The following NDC1 variants were observed in gnomAD, a reference collection of about 807,000 sequenced individuals.
NDC1 encodes the protein nucleoporin NDC1.
In NDC1, 24 loss-of-function variants were observed where a neutral mutation model predicts 89.8. That is an observed-to-expected ratio of 0.27 (90% CI 0.19 to 0.38). The LOEUF (loss-of-function observed/expected upper bound fraction) is 0.38, where lower values mean the gene tolerates loss of function less well. NDC1 is among the 10% of genes least tolerant of loss of function. The pLI is 1.00. For synonymous variants in NDC1, 296 were observed against 284.8 expected (o/e 1.04, Z -0.39); for missense variants, 728 against 797.6 (o/e 0.91, Z 1.05).
At chr1:53,825,726 T>C in intron 5 of NDC1, 72 bp downstream of exon 5, 2 of 1,243,964 alleles carry the variant, frequency 1.6e-6, no homozygotes, top group Non-Finnish European at 2.2e-6. Context: ...TAAATCCAGT[T>C]ATATACATAT....
intron 16 of NDC1, among the ~76,000 whole-genome samples, chr1:53,774,521 T>C (rs533547834): frequency 6.6e-6 from 1 of 152,338 alleles, no homozygotes; most frequent in Non-Finnish European, 1.5e-5. Context: ...GAATACTTTA[T>C]ATTTTTTGTA....
chr1:53,804,870 T>C (rs1344395472), intron 9 of NDC1, among the ~76,000 whole-genome samples: 1 of 152,072 alleles, frequency 6.6e-6, no homozygotes, highest in East Asian at 1.9e-4. Flanking sequence ...TCTCTGAAGT[T>C]TTCTTGCATT....
intron 4 of NDC1, among the ~76,000 whole-genome samples, chr1:53,827,210 A>G (rs1441776155): frequency 1.3e-5 from 2 of 151,714 alleles, no homozygotes; most frequent in Non-Finnish European, 2.9e-5. Context: ...ATAATGTAAC[A>G]CTGTTTTAAA....
intron 14 of NDC1, among the ~76,000 whole-genome samples, chr1:53,791,824 T>A (rs916324701): frequency 6.6e-6 from 1 of 152,174 alleles, no homozygotes; most frequent in Non-Finnish European, 1.5e-5. Flanking sequence ...TTTCCTTATC[T>A]GTAAAATGAG....
intron 1 of NDC1, among the ~76,000 whole-genome samples, chr1:53,836,871 C>A (rs187157546): frequency 7.6e-4 from 115 of 152,294 alleles, no homozygotes; most frequent in Non-Finnish European, 1.4e-3. Context: ...TAGGAGTAAA[C>A]CTTCATGATC....
chr1:53,808,705 A>T (rs1311483117), intron 7 of NDC1, among the ~76,000 whole-genome samples: 1 of 152,234 alleles, frequency 6.6e-6, no homozygotes, highest in South Asian at 2.1e-4. Flanking sequence ...TTTCTATCAA[A>T]TGCCATTATT....
intron 6 of NDC1, among the ~76,000 whole-genome samples, chr1:53,811,099 G>A (rs1648291560): frequency 6.6e-6 from 1 of 152,216 alleles, no homozygotes; most frequent in Admixed American, 6.5e-5. Context: ...CAGGGGTAGA[G>A]GAAGCAGCAG....
intron 16 of NDC1, among the ~76,000 whole-genome samples, chr1:53,775,573 T>C (rs1262063326): frequency 6.6e-6 from 1 of 152,178 alleles, no homozygotes; most frequent in East Asian, 1.9e-4. Context: ...AACACTTTCA[T>C]TCTTAGGTTT....
At chr1:53,788,422 C>CA (rs869051565) in intron 15 of NDC1, among the ~76,000 whole-genome samples, 14 of 149,068 alleles carry the variant, frequency 9.4e-5, no homozygotes, top group East Asian at 7.9e-4. Context: ...CTCGTCCCTA[C>CA]AAAAAAAAAA....
At chr1:53,830,150 CA>C (rs932944193) in intron 3 of NDC1, among the ~76,000 whole-genome samples, 56 of 141,628 alleles carry the variant, frequency 4.0e-4, no homozygotes, top group Non-Finnish European at 8.3e-4. Context: ...GACTCCATCT[CA>C]AAAAAAAAGA....
At chr1:53,795,005 T>C (rs1570183230) in intron 13 of NDC1, among the ~76,000 whole-genome samples, 1 of 152,126 alleles carries the variant, frequency 6.6e-6, no homozygotes, top group Non-Finnish European at 1.5e-5. Flanking sequence ...CGTCTACCAA[T>C]CTCTCCTGAA....
chr1:53,790,892 C>G (rs1473409489), intron 14 of NDC1, among the ~76,000 whole-genome samples: 3 of 152,174 alleles, frequency 2.0e-5, no homozygotes, highest in Admixed American at 2.0e-4. Context: ...GCATGATGAT[C>G]AAGTCACGGC....
intron 6 of NDC1, among the ~76,000 whole-genome samples, chr1:53,815,601 G>C (rs760388712): frequency 2.6e-5 from 4 of 152,202 alleles, no homozygotes; most frequent in Non-Finnish European, 5.9e-5. Context: ...GTCCTAGCTA[G>C]AGCAATGAGA....
At chr1:53,800,596 A>T (rs559845576) in intron 11 of NDC1, 97 bp downstream of exon 11, 1 of 1,366,430 alleles carries the variant, frequency 7.3e-7, no homozygotes, top group African/African-American at 1.4e-5. Context: ...AAGTGCGGGG[A>T]TAACAGGCGT....
intron 10 of NDC1, among the ~76,000 whole-genome samples, chr1:53,803,216 C>T (rs140219056): frequency 2.8e-4 from 42 of 152,242 alleles, no homozygotes; most frequent in Admixed American, 1.0e-3. Context: ...CAGGCACATG[C>T]TACCATGCTG....
intron 2 of NDC1, 48 bp downstream of exon 2, chr1:53,835,452 T>C (rs748973445): frequency 5.9e-6 from 9 of 1,526,288 alleles, no homozygotes; most frequent in East Asian, 4.6e-5. Context: ...AATTTTTATG[T>C]TGAGAAGTAG....
intron 6 of NDC1, among the ~76,000 whole-genome samples, chr1:53,815,431 T>C (rs570426423): frequency 8.5e-5 from 13 of 152,280 alleles, no homozygotes; most frequent in East Asian, 1.9e-4. Flanking sequence ...CTCAGCAACA[T>C]TGGCATACAA....
At chr1:53,819,256 A>C (rs936536282) in intron 5 of NDC1, among the ~76,000 whole-genome samples, 177 bp from the exon 6 acceptor site, 5 of 152,228 alleles carry the variant, frequency 3.3e-5, no homozygotes, top group African/African-American at 9.6e-5. Flanking sequence ...TAAAAAATTA[A>C]TATTTATATT....
chr1:53,825,746 C>A, intron 5 of NDC1, 52 bp downstream of exon 5: 1 of 1,509,126 alleles, frequency 6.6e-7, no homozygotes, highest in South Asian at 1.3e-5. Flanking sequence ...TGCACCAAGG[C>A]AATTTTACCT....
Sources: gnomAD v4.1 joint callset for allele counts (sites outside exome capture counted in the v4.1 genomes callset) on GRCh38, gnomAD v4.1.1 for gene constraint, MANE v1.5 for transcripts, NCBI Gene and HGNC (gene_info 2026-07-23, HGNC 2026-07-21) for gene names.